TENM4: variants seen among roughly 807,000 people sequenced by gnomAD.
TENM4 encodes teneurin transmembrane protein 4, also known as teneurin-4.
TENM4 carries 82 observed loss-of-function variants against 243.3 expected under a neutral mutation model. The ratio of observed to expected loss-of-function variants is 0.34; its 90% CI spans 0.28 to 0.40. The LOEUF (loss-of-function observed/expected upper bound fraction) is 0.40. Ranked by LOEUF, TENM4 falls within the 10% of genes least tolerant of loss-of-function variation. TENM4 has a pLI of 1.00. For missense variants in TENM4, 3,138 were observed against 3,673.3 expected (o/e 0.85, Z 3.77); for synonymous variants, 1,412 against 1,456.3 (o/e 0.97, Z 0.69).
intron 4 of TENM4, among the ~76,000 whole-genome samples, chr11:79,137,664 C>T (rs185309357): frequency 1.4e-4 from 22 of 152,228 alleles, no homozygotes; most frequent in East Asian, 7.7e-4. Flanking sequence ...CGCATATATA[C>T]GCTTGTACTA....
chr11:78,765,207 C>T (rs12360604), intron 18 of TENM4, among the ~76,000 whole-genome samples: 23,749 of 152,208 alleles, frequency 0.16, 2,063 homozygotes, highest in East Asian at 0.39. Context: ...TCTGTACACA[C>T]TGGGGAGAAG....
chr11:79,116,536 T>C (rs1417836214), intron 4 of TENM4, among the ~76,000 whole-genome samples: 3 of 152,074 alleles, frequency 2.0e-5, no homozygotes, highest in Non-Finnish European at 1.5e-5. Context: ...ATTGTAGCCT[T>C]ACAGATGGGA....
chr11:79,309,981 G>A lies in TENM4; in HGVS notation c.-320-12438C>T, dbSNP rs369338372. On this transcript the variant is annotated intron_variant, in intron 1 of 33. Transcript: ENST00000278550. ...AGCCTGTCCTGACCCTTCCAGGCAG[G>A]GCTGGATGTGGTGCTGCTCAGCACC... 1.0e-3 allele frequency among the ~76,000 whole-genome samples: 159 copies of A among 152,244 alleles called. 8 individuals are homozygous for A. The South Asian group carries it at 0.032, about 31-fold the overall frequency.
At chr11:79,068,754 C>T (rs1056990155) in intron 5 of TENM4, among the ~76,000 whole-genome samples, 5 of 152,082 alleles carry the variant, frequency 3.3e-5, no homozygotes, top group African/African-American at 7.2e-5. Context: ...CAGGAATCAC[C>T]GAGGCACCAG....
intron 2 of TENM4, among the ~76,000 whole-genome samples, chr11:79,292,911 A>G (rs1429927502): frequency 1.3e-5 from 2 of 152,354 alleles, no homozygotes; most frequent in East Asian, 3.9e-4. Flanking sequence ...CATTTTCAAT[A>G]TTGTTAGTCA....
chr11:79,077,491 TACACA>T (rs1166800982), intron 4 of TENM4, among the ~76,000 whole-genome samples: 2 of 152,236 alleles, frequency 1.3e-5, no homozygotes, highest in Non-Finnish European at 2.9e-5. Flanking sequence ...CAATCCAGGA[TACACA>T]CATCTACAAT....
intron 12 of TENM4, among the ~76,000 whole-genome samples, chr11:78,833,071 G>A (rs891700776): frequency 1.3e-5 from 2 of 152,150 alleles, no homozygotes; most frequent in Admixed American, 6.5e-5. Context: ...AGTTCCTACC[G>A]CTGCCTCCAA....
intron 1 of TENM4, among the ~76,000 whole-genome samples, chr11:79,297,976 G>A (rs1418037508): frequency 6.6e-6 from 1 of 150,406 alleles, no homozygotes; most frequent in Admixed American, 6.6e-5. Flanking sequence ...ATTTTTCAGA[G>A]CAGAGGCTAT....
chr11:79,321,133 C>G (rs749840671), intron 1 of TENM4, among the ~76,000 whole-genome samples: 1 of 152,220 alleles, frequency 6.6e-6, no homozygotes, highest in Non-Finnish European at 1.5e-5. Context: ...CCCTTGGCCT[C>G]TCTGTGCCTC....
chr11:79,388,837 A>C (rs575840558), intron 1 of TENM4, among the ~76,000 whole-genome samples: 2 of 152,342 alleles, frequency 1.3e-5, no homozygotes, highest in East Asian at 1.9e-4. Flanking sequence ...AGGAGAGGGC[A>C]TCTTCCTGGA....
intron 12 of TENM4, among the ~76,000 whole-genome samples, chr11:78,823,289 G>A (rs1022027732): frequency 1.3e-5 from 2 of 152,222 alleles, no homozygotes; most frequent in Non-Finnish European, 2.9e-5. Context: ...CCAGGTGCAA[G>A]AGACAACACC....
At chr11:78,969,035 G>A (rs148859826) in intron 6 of TENM4, among the ~76,000 whole-genome samples, 9 of 152,298 alleles carry the variant, frequency 5.9e-5, no homozygotes, top group Non-Finnish European at 8.8e-5. Context: ...AAGGAGTAAT[G>A]ATACCCACTG....
intron 6 of TENM4, among the ~76,000 whole-genome samples, chr11:78,970,141 G>A (rs931989510): frequency 2.0e-5 from 3 of 152,084 alleles, no homozygotes; most frequent in African/African-American, 7.2e-5. Flanking sequence ...GCTCGTGGAG[G>A]GTCAGGAATT....
chr11:79,222,069 C>A (rs983439350), intron 2 of TENM4, among the ~76,000 whole-genome samples: 4 of 152,214 alleles, frequency 2.6e-5, no homozygotes, highest in Non-Finnish European at 4.4e-5. Flanking sequence ...CTCATGAATC[C>A]TTCATAGGCA....
At chr11:78,879,581 C>T (rs1440841633) in intron 9 of TENM4, among the ~76,000 whole-genome samples, 1 of 136,836 alleles carries the variant, frequency 7.3e-6, no homozygotes. Flanking sequence ...CACACGGCCG[C>T]CCTGTCTGGG....
chr11:79,437,798 G>A (rs963127658), intron 1 of TENM4, among the ~76,000 whole-genome samples: 12 of 152,226 alleles, frequency 7.9e-5, no homozygotes, highest in African/African-American at 2.7e-4. Context: ...TGCCCGGGGA[G>A]CTAACCCAGC....
chr11:78,951,980 C>T, intron 6 of TENM4, among the ~76,000 whole-genome samples: 1 of 152,158 alleles, frequency 6.6e-6, no homozygotes, highest in African/African-American at 2.4e-5. Flanking sequence ...TCCCAGTTTG[C>T]ATTACACCTC....
At chr11:78,812,845 C>T (rs1158417285) in intron 13 of TENM4, among the ~76,000 whole-genome samples, 1 of 152,134 alleles carries the variant, frequency 6.6e-6, no homozygotes, top group African/African-American at 2.4e-5. Flanking sequence ...AGAGCAGAGC[C>T]CAACTTGGCT....
intron 3 of TENM4, among the ~76,000 whole-genome samples, chr11:79,150,464 G>T (rs1337882353): frequency 5.3e-5 from 8 of 152,108 alleles, no homozygotes; most frequent in Admixed American, 5.2e-4. Context: ...CTTGTCCCCT[G>T]TCCTGCCCCC....
Sources: gnomAD v4.1 joint callset for allele counts (sites outside exome capture counted in the v4.1 genomes callset) on GRCh38, gnomAD v4.1.1 for gene constraint, MANE v1.5 for transcripts, NCBI Gene and HGNC (gene_info 2026-07-23, HGNC 2026-07-21) for gene names.